The following PCOLCE2 variants were observed in gnomAD, a reference collection of about 807,000 sequenced individuals.
PCOLCE2 encodes the protein procollagen C-proteinase enhancer 2.
Under a neutral mutation model 47.0 loss-of-function variants are expected in PCOLCE2, and 42 were observed. The ratio of observed to expected loss-of-function variants is 0.89; its 90% CI spans 0.70 to 1.16. The LOEUF is 1.16. Among genes scored for constraint, PCOLCE2 ranks in the 50% most tolerant of loss-of-function variants. PCOLCE2 has a pLI of 0.00. For missense variants in PCOLCE2, 500 were observed against 526.1 expected (o/e 0.95, Z 0.49); for synonymous variants, 169 against 191.7 (o/e 0.88, Z 0.98).
intron 2 of PCOLCE2, among the ~76,000 whole-genome samples, chr3:142,853,860 G>A (rs777096545): frequency 2.6e-5 from 4 of 152,130 alleles, no homozygotes; most frequent in African/African-American, 4.8e-5. Flanking sequence ...AAAACAATTC[G>A]ACGTTTGTGT....
chr3:142,847,845 A>G (rs1357959477), intron 3 of PCOLCE2, among the ~76,000 whole-genome samples: 1 of 152,110 alleles, frequency 6.6e-6, no homozygotes, highest in East Asian at 1.9e-4. Context: ...CTCCACTTTT[A>G]TTTTTTAAAA....
intron 1 of PCOLCE2, 43 bp downstream of exon 1, chr3:142,888,771 A>C: frequency 8.4e-7 from 1 of 1,194,964 alleles, no homozygotes. Flanking sequence ...GGGGTGGAGG[A>C]AGGGAAAGGA....
At chr3:142,845,877 A>ATT (rs1465506793) in intron 3 of PCOLCE2, among the ~76,000 whole-genome samples, 325 of 152,220 alleles carry the variant, frequency 2.1e-3, no homozygotes, top group African/African-American at 6.4e-3. Context: ...TGAGAGGTTG[A>ATT]GGCACAAAAA....
intron 2 of PCOLCE2, among the ~76,000 whole-genome samples, chr3:142,851,877 G>A (rs1411395293): frequency 6.6e-6 from 1 of 152,190 alleles, no homozygotes; most frequent in Non-Finnish European, 1.5e-5. Flanking sequence ...ACTCTCTCCT[G>A]TAGAGAGGTG....
intron 1 of PCOLCE2, 36 bp downstream of exon 1, chr3:142,888,778 A>G (rs1483115300): frequency 1.5e-6 from 2 of 1,292,794 alleles, no homozygotes; most frequent in Non-Finnish European, 1.0e-6. Context: ...AGGAAGGGAA[A>G]GGAGAGAAAG....
intron 5 of PCOLCE2, among the ~76,000 whole-genome samples, chr3:142,833,114 A>G (rs1937168631): frequency 6.6e-6 from 1 of 152,198 alleles, no homozygotes; most frequent in South Asian, 2.1e-4. Context: ...ATGCATCACT[A>G]TGCGATATAT....
chr3:142,887,666 T>TTA lies in PCOLCE2; in HGVS notation c.192+2_192+3insTA. 6.8e-7 allele frequency: 1 copy of TTA among 1,467,444 alleles called. No individual in the cohort carries two copies. Among genetic ancestry groups the TTA allele is most frequent in the South Asian group, 1.1e-5 (1 of 87,788 alleles). 90.9% of individuals were successfully genotyped at this position (1,467,444 alleles called of 1,614,324 possible). On this transcript the variant is annotated splice_region_variant and intron_variant, in intron 2 of 8. Coordinates refer to ENST00000295992, the MANE Select transcript of PCOLCE2 (RefSeq NM_013363.4). ...GGAGAATACCTTTTTAAAAAATGCT[T>TTA]ACTGTGATTTTCCAAGTACATTTGC...
intron 3 of PCOLCE2, among the ~76,000 whole-genome samples, chr3:142,845,145 G>A (rs1937310379): frequency 6.6e-6 from 1 of 151,676 alleles, no homozygotes. Context: ...GCCTTCTTTG[G>A]GTTAGTTGGA....
intron 2 of PCOLCE2, among the ~76,000 whole-genome samples, chr3:142,861,328 T>C (rs535462747): frequency 2.6e-5 from 4 of 152,344 alleles, no homozygotes; most frequent in African/African-American, 9.6e-5. Flanking sequence ...GTTATTTCTT[T>C]GATAACTCCC....
At chr3:142,853,334 C>G (rs576532669) in intron 2 of PCOLCE2, among the ~76,000 whole-genome samples, 1 of 152,124 alleles carries the variant, frequency 6.6e-6, no homozygotes, top group Non-Finnish European at 1.5e-5. Flanking sequence ...CTAAACACCC[C>G]CAAACCCGAA....
chr3:142,846,257 G>A lies in PCOLCE2; in HGVS notation c.448+1960C>T, dbSNP rs151277269. Among the ~76,000 whole-genome samples the A allele has an allele frequency of 6.1e-3, 934 of 152,280 alleles. 11 individuals carry two copies. The highest frequency in any genetic ancestry group is 0.019 in the African/African-American group (808 of 41,558). On this transcript the variant is annotated intron_variant, in intron 3 of 8. Transcript: ENST00000295992. The stretch of plus-strand genomic sequence containing the variant: ...TCTGTTGCCCAGGTTGGAGGGCAGT[G>A]GCGCAATCTCGGCTCCCTGCAACCT...
intron 5 of PCOLCE2, among the ~76,000 whole-genome samples, chr3:142,836,340 C>T (rs917599983): frequency 3.9e-5 from 6 of 152,208 alleles, no homozygotes; most frequent in African/African-American, 1.4e-4. Flanking sequence ...TTGCTCCAAA[C>T]CCCCCTGGCC....
At chr3:142,844,065 T>A in intron 3 of PCOLCE2, among the ~76,000 whole-genome samples, 1 of 152,136 alleles carries the variant, frequency 6.6e-6, no homozygotes, top group Non-Finnish European at 1.5e-5. Flanking sequence ...CTTCATTGTT[T>A]TTATTATTAT....
At chr3:142,822,090 T>C (rs1937022253) in intron 7 of PCOLCE2, among the ~76,000 whole-genome samples, 1 of 152,036 alleles carries the variant, frequency 6.6e-6, no homozygotes, top group Non-Finnish European at 1.5e-5. Flanking sequence ...GCTAATTTTG[T>C]ATTTTTAGTA....
At chr3:142,838,693 A>C (rs1937230752) in intron 5 of PCOLCE2, 77 bp downstream of exon 5, 2 of 1,326,156 alleles carry the variant, frequency 1.5e-6, no homozygotes, top group African/African-American at 2.9e-5. Flanking sequence ...TCCAGAAAAC[A>C]AATGTGATTG....
intron 1 of PCOLCE2, 53 bp downstream of exon 1, chr3:142,888,761 G>A: frequency 9.1e-7 from 1 of 1,095,906 alleles, no homozygotes; most frequent in Non-Finnish European, 1.3e-6. Context: ...CGAGGCTGCA[G>A]GGGTGGAGGA....
intron 2 of PCOLCE2, among the ~76,000 whole-genome samples, chr3:142,872,441 G>C (rs1023736000): frequency 2.2e-4 from 34 of 152,090 alleles, no homozygotes; most frequent in African/African-American, 8.0e-4. Context: ...CCTCCTGCTT[G>C]TTCATCCCAT....
intron 4 of PCOLCE2, among the ~76,000 whole-genome samples, chr3:142,840,162 A>T (rs938466032): frequency 3.5e-4 from 54 of 152,188 alleles, no homozygotes; most frequent in Non-Finnish European, 7.9e-4. Context: ...TGCACGGCCT[A>T]ATCAGGGTGT....
chr3:142,873,328 G>A (rs1045261030), intron 2 of PCOLCE2, among the ~76,000 whole-genome samples: 1 of 151,358 alleles, frequency 6.6e-6, no homozygotes, highest in African/African-American at 2.4e-5. Context: ...GGGAGGCAGA[G>A]GTTGCAGTGA....
Sources: allele counts gnomAD v4.1 joint callset (sites outside exome capture counted in the v4.1 genomes callset), GRCh38; gene constraint gnomAD v4.1.1; transcripts MANE v1.5; gene names NCBI Gene and HGNC (gene_info 2026-07-23, HGNC 2026-07-21).